CLEC4F: variants seen among roughly 807,000 people sequenced by gnomAD.
CLEC4F encodes the protein C-type (calcium dependent, carbohydrate-recognition domain) lectin, superfamily member 13.
CLEC4F carries 45 observed loss-of-function variants against 53.4 expected under a neutral mutation model. The observed-to-expected ratio is 0.84, with a 90% CI of 0.66 to 1.08. The LOEUF is 1.08. Ranked by LOEUF, CLEC4F falls within the 50% of genes least tolerant of loss-of-function variation. The probability of loss-of-function intolerance (pLI) is 0.00; values close to 1 mark genes in which losing one functional copy is unlikely to be tolerated. For missense variants in CLEC4F, 753 were observed against 698.2 expected (o/e 1.08, Z -0.88); for synonymous variants, 245 against 257.5 (o/e 0.95, Z 0.46).
chr2:70,822,040 T>C (rs968928574), upstream of CLEC4F, among the ~76,000 whole-genome samples: 12 of 152,270 alleles, frequency 7.9e-5, no homozygotes, highest in Admixed American at 2.6e-4. Flanking sequence ...ACTACAGGCA[T>C]GAGCCACCTT....
chr2:70,819,870 G>A lies in CLEC4F; in HGVS notation c.83C>T (p.Ala28Val), dbSNP rs149541128. Reference protein sequence around the residue: ...HPQEVDSVAMAPAAPKIPRLV... With the variant: ...HPQEVDSVAMVPAAPKIPRLV... ...CCTCGGTATCTTGGGGGCTGCAGGA[G>A]CCATTGCCACAGAGTCCACCTCTGC... The change falls in exon 2 of 7, where the codon GCT becomes GTT. Residue 28 changes from alanine to valine, a missense_variant. By Grantham distance (64) the Ala-to-Val change is moderately conservative. Coordinates refer to ENST00000272367, the MANE Select transcript of CLEC4F (RefSeq NM_173535.3). The A allele has an allele frequency of 3.1e-6, 5 of 1,600,374 alleles. No homozygotes were observed. Among genetic ancestry groups the A allele is most frequent in the Non-Finnish European group, 4.3e-6 (5 of 1,174,116 alleles).
At chr2:70,809,493 A>G in intron 6 of CLEC4F, 111 bp from the exon 7 acceptor site, 2 of 1,198,386 alleles carry the variant, frequency 1.7e-6, no homozygotes, top group Non-Finnish European at 1.2e-6. Flanking sequence ...GGTGAGAGCG[A>G]TGACCACACC....
In CLEC4F at chr2:70,820,514, C is replaced by T. The variant is rs868911294; in HGVS notation, c.10G>A (p.Glu4Lys). The change falls in exon 1 of 7, where the codon GAG becomes AAG. Residue 4 changes from glutamate (E) to lysine (K), a missense_variant. Physicochemically the swap from Glu to Lys is moderately conservative, Grantham distance 56. Transcript: ENST00000272367. ...TTATCTGTGCAGAAGCGGACTGCCTCACCGTCCATCTCTGCTTCCTTGATC... is the reference window on the plus strand; with the variant it reads ...TTATCTGTGCAGAAGCGGACTGCCTTACCGTCCATCTCTGCTTCCTTGATC... The part of the protein sequence containing the change: MDG[E>K]AVRFCTDNQC... The T allele has an allele frequency of 6.3e-7, 1 of 1,587,922 alleles. No homozygotes were observed. The highest frequency in any genetic ancestry group is 8.6e-7 in the Non-Finnish European group (1 of 1,165,198).
At chr2:70,812,799 G>C (rs1411322358) in intron 4 of CLEC4F, among the ~76,000 whole-genome samples, 1 of 152,114 alleles carries the variant, frequency 6.6e-6, no homozygotes, top group African/African-American at 2.4e-5. Context: ...CCCTCAAGAC[G>C]CCTGGCTTGG....
rs552414581 is a variant in CLEC4F, at chr2:70,812,182, A to T, written c.1539+265T>A. Among the ~76,000 whole-genome samples the T allele has an allele frequency of 5.9e-5, 9 of 152,278 alleles. No individual in the cohort carries two copies. In the South Asian group the frequency reaches 1.7e-3, roughly 28 times the overall value. ...TCCTAGCACTTAAGGGCATCACCTG[A>T]TGCCACCTCCCCTTGGCCTTCCTCC... On this transcript the variant is annotated intron_variant, in intron 5 of 6. Coordinates refer to ENST00000272367, the MANE Select transcript of CLEC4F (RefSeq NM_173535.3).
At chr2:70,820,706 C>CT, upstream of CLEC4F, 1 of 567,678 alleles carries the variant, frequency 1.8e-6, no homozygotes, top group South Asian at 2.2e-5. Flanking sequence ...GGCCCCTCCC[C>CT]TAGAGGCTCC....
At chr2:70,812,335 G>T in intron 5 of CLEC4F, 112 bp downstream of exon 5, 1 of 1,155,034 alleles carries the variant, frequency 8.7e-7, no homozygotes, top group Non-Finnish European at 1.2e-6. Flanking sequence ...CTGCCTGGCA[G>T]AGGAGACATG....
At chr2:70,824,343 C>A (rs1416035369), upstream of CLEC4F, among the ~76,000 whole-genome samples, 1 of 151,926 alleles carries the variant, frequency 6.6e-6, no homozygotes, top group African/African-American at 2.4e-5. Context: ...CCTCTTACCC[C>A]CTCTCAAGTC....
Position 70,820,519 on chromosome 2 carries a change from T to A in CLEC4F, c.5A>T (p.Asp2Val). 6.3e-7 allele frequency: 1 copy of A among 1,586,234 alleles called. No homozygotes were observed. Among genetic ancestry groups the A allele is most frequent in the African/African-American group, 1.3e-5 (1 of 74,596 alleles). Reference protein sequence around the residue: MDGEAVRFCTDN... With the variant: MVGEAVRFCTDN... The stretch of plus-strand genomic sequence containing the variant: ...TGTGCAGAAGCGGACTGCCTCACCG[T>A]CCATCTCTGCTTCCTTGATCCTCCA... Residue 2 changes from aspartate (D) to valine (V), a missense_variant, in exon 1 of 7, where the codon GAC (aspartate) becomes GTC (valine). Asp to Val is a radical substitution (Grantham distance 152). Transcript: ENST00000272367.
At chr2:70,817,538 A>G (rs1676992649) in intron 3 of CLEC4F, among the ~76,000 whole-genome samples, 1 of 152,244 alleles carries the variant, frequency 6.6e-6, no homozygotes, top group Admixed American at 6.5e-5. Context: ...ATAGGTATGA[A>G]TAAAGCCTGT....
At chr2:70,813,410 G>T (rs1451741152) in intron 4 of CLEC4F, among the ~76,000 whole-genome samples, 1 of 152,186 alleles carries the variant, frequency 6.6e-6, no homozygotes, top group African/African-American at 2.4e-5. Flanking sequence ...AGAAGGTATG[G>T]TCTGTTTCAT....
Position 70,816,013 on chromosome 2 carries a change from T to C in CLEC4F, c.1368A>G (p.Glu456=), listed in dbSNP as rs1676877843. 6.2e-7 allele frequency: 1 copy of C among 1,613,586 alleles called. No homozygotes were observed. Among genetic ancestry groups the C allele is most frequent in the Non-Finnish European group, 8.5e-7 (1 of 1,179,766 alleles). The change falls in exon 4 of 7, where the codon GAA becomes GAG. Residue 456 remains glutamate (E), a synonymous_variant. Coordinates refer to ENST00000272367, the MANE Select transcript of CLEC4F (RefSeq NM_173535.3). ...KTLHVVITSQ[E]QLQRTQSQLL... The stretch of plus-strand genomic sequence containing the variant: ...ACTTACTTTGGGTTCTTTGTAGCTG[T>C]TCCTGTGAAGTAATGACCACATGGA...
chr2:70,812,764 C>T (rs1357845841), intron 4 of CLEC4F, among the ~76,000 whole-genome samples, 166 bp from the exon 5 acceptor site: 1 of 152,164 alleles, frequency 6.6e-6, no homozygotes, highest in Non-Finnish European at 1.5e-5. Flanking sequence ...ACTGCCATCT[C>T]ACTACCCAGC....
At chr2:70,819,287 C>T (rs542659822) in intron 3 of CLEC4F, 68 bp downstream of exon 3, 3 of 1,204,178 alleles carry the variant, frequency 2.5e-6, no homozygotes, top group African/African-American at 3.0e-5. Flanking sequence ...GAGAGAAGCT[C>T]ATCCTAGGGT....
In CLEC4F at chr2:70,819,781, C is replaced by G. The variant is rs147008752; in HGVS notation, c.172G>C (p.Val58Leu). The change falls in exon 2 of 7, where the codon GTA becomes CTA. Residue 58 changes from valine (V) to leucine (L), a missense_variant. Transcript: ENST00000272367. ...GGGTCACCTGGGGGCTTACCCACTA[C>G]AAAGAGAGTCACAAGAGAGAAGACC... ...TLVFSLVTLF[V>L]VVQQQTRPVP... The G allele has an allele frequency of 6.9e-5, 110 of 1,591,508 alleles. No individual in the cohort carries two copies. In the African/African-American group the frequency reaches 1.3e-3, roughly 18 times the overall value.
At position 70,808,880 on chromosome 2, in the gene CLEC4F, G is replaced by A. The variant is rs1676375954; in HGVS notation, c.*391C>T. The stretch of plus-strand genomic sequence containing the variant: ...CAGAGGCTCCGAAGGCATCGAGGAG[G>A]AGGGTCAGTATTGGCAAGCAGGAGC... On this transcript the variant is annotated 3_prime_UTR_variant, in exon 7 of 7. Coordinates refer to ENST00000272367, the MANE Select transcript of CLEC4F (RefSeq NM_173535.3). 2 of 595,280 alleles carry A rather than the reference G, an allele frequency of 3.4e-6. No individual in the cohort carries two copies. The highest frequency in any genetic ancestry group is 6.0e-6 in the Non-Finnish European group (2 of 335,342). 36.9% of individuals were successfully genotyped at this position (595,280 alleles called of 1,614,324 possible).
Position 70,808,785 on chromosome 2 carries a change from A to G in CLEC4F, c.*486T>C. 1 of 415,002 alleles carries G rather than the reference A, an allele frequency of 2.4e-6. No individual in the cohort carries two copies. The allele number at this position is 415,002 out of a possible 1,614,324, so 25.7% of individuals were successfully genotyped here. On this transcript the variant is annotated 3_prime_UTR_variant, in exon 7 of 7. Coordinates refer to ENST00000272367, the MANE Select transcript of CLEC4F (RefSeq NM_173535.3). ...GTCACTCGAGGTAAGCATGTTTGAA[A>G]GGGCTGAATCAAAGAACAAGGCAGG...
rs1553395925 is a variant in CLEC4F, at chr2:70,816,374, C to T, written c.1007G>A (p.Arg336Lys). The change falls in exon 4 of 7, where the codon AGG (arginine) becomes AAG (lysine). Residue 336 changes from arginine to lysine, a missense_variant. By Grantham distance (26) the Arg-to-Lys change is conservative. Transcript: ENST00000272367. ...CTGGGCTGTGACCATTTTCAAATCC[C>T]TTTTTAACACGTGAATTTCATCACC... Reference protein sequence around the residue: ...RAGDEIHVLKRDLKMVTAQTQ... With the variant: ...RAGDEIHVLKKDLKMVTAQTQ... The T allele has an allele frequency of 1.2e-6, 2 of 1,613,926 alleles. No homozygotes were observed. The highest frequency in any genetic ancestry group is 2.7e-5 in the African/African-American group (2 of 75,016).
At chr2:70,814,285 G>GA (rs1430565671) in intron 4 of CLEC4F, among the ~76,000 whole-genome samples, 2 of 152,142 alleles carry the variant, frequency 1.3e-5, no homozygotes, top group African/African-American at 2.4e-5. Flanking sequence ...ATTTGCACTG[G>GA]AAAAACGTCA....
Sources: gnomAD v4.1 joint callset for allele counts (sites outside exome capture counted in the v4.1 genomes callset) on GRCh38, gnomAD v4.1.1 for gene constraint, MANE v1.5 for transcripts, NCBI Gene and HGNC (gene_info 2026-07-23, HGNC 2026-07-21) for gene names.